Variants in GRM7 observed in about 807,000 individuals in gnomAD.
The protein encoded by GRM7 is metabotropic glutamate receptor 7.
In GRM7, 35 loss-of-function variants were observed where a neutral mutation model predicts 84.5. That is an observed-to-expected ratio of 0.41 (90% CI 0.32 to 0.55). GRM7 has a LOEUF of 0.55. Among genes scored for constraint, GRM7 ranks in the 20% least tolerant of loss-of-function variants. The pLI, the probability that GRM7 is intolerant of heterozygous loss-of-function variation, is 0.19. For synonymous variants in GRM7, 487 were observed against 455.1 expected, an observed-to-expected ratio of 1.07 and a Z score of -0.89; for missense variants, 1,003 against 1,194.6, an observed-to-expected ratio of 0.84 and a Z score of 2.36.
At chr3:7,086,350 C>T (rs1698458548) in intron 1 of GRM7, among the ~76,000 whole-genome samples, 1 of 145,946 alleles carries the variant, frequency 6.9e-6, no homozygotes, top group African/African-American at 2.7e-5. Flanking sequence ...AAAAAAGATC[C>T]TATAGAAATA....
chr3:6,926,995 A>T (rs116452024), intron 1 of GRM7, among the ~76,000 whole-genome samples: 7,665 of 152,302 alleles, frequency 0.05, 265 homozygotes, highest in Non-Finnish European at 0.076. Context: ...AGGTCCATGG[A>T]AGCAGCCCGC....
intron 4 of GRM7, among the ~76,000 whole-genome samples, chr3:7,352,921 A>G (rs1247918273): frequency 2.0e-5 from 3 of 152,116 alleles, no homozygotes; most frequent in Admixed American, 6.6e-5. Context: ...TCACGTTAAC[A>G]GTAGACACCC....
At chr3:7,064,629 C>G (rs1280735435) in intron 1 of GRM7, among the ~76,000 whole-genome samples, 1 of 150,278 alleles carries the variant, frequency 6.7e-6, no homozygotes, top group Non-Finnish European at 1.5e-5. Flanking sequence ...CAAGATTTTG[C>G]AATTGTGAAT....
intron 1 of GRM7, among the ~76,000 whole-genome samples, chr3:7,135,460 G>T (rs778008967): frequency 1.3e-5 from 2 of 152,072 alleles, no homozygotes; most frequent in Non-Finnish European, 2.9e-5. Context: ...TCAAAAATTC[G>T]CCTTTTACAA....
intron 8 of GRM7, among the ~76,000 whole-genome samples, chr3:7,585,433 G>T (rs1323221509): frequency 6.6e-6 from 1 of 151,322 alleles, no homozygotes; most frequent in East Asian, 2.0e-4. Flanking sequence ...AACCATCTTA[G>T]ACCCTTGCTT....
At chr3:7,161,466 T>C (rs1694623275) in intron 2 of GRM7, among the ~76,000 whole-genome samples, 1 of 151,156 alleles carries the variant, frequency 6.6e-6, no homozygotes, top group Non-Finnish European at 1.5e-5. Context: ...CTTACTCTAA[T>C]CTAGTTTCCA....
intron 7 of GRM7, among the ~76,000 whole-genome samples, chr3:7,484,894 A>G (rs974409302): frequency 2.0e-5 from 3 of 152,190 alleles, no homozygotes; most frequent in African/African-American, 7.2e-5. Context: ...TAGGTTACAA[A>G]AAGACTGTGG....
At position 7,236,006 on chromosome 3, in the gene GRM7, G is replaced by A. The variant is rs1697335684; in HGVS notation, c.737-62678G>A. On this transcript the variant is annotated intron_variant, in intron 2 of 9. Coordinates refer to ENST00000357716, the MANE Select transcript of GRM7 (RefSeq NM_000844.4). ...TGGGAGGTCCAGGATCAAGGTCCTTGCAGACACTGCATCTGGTGGGAGTTG... is the reference window on the plus strand; with the variant it reads ...TGGGAGGTCCAGGATCAAGGTCCTTACAGACACTGCATCTGGTGGGAGTTG... Among the ~76,000 whole-genome samples the A allele has an allele frequency of 1.3e-5, 2 of 152,148 alleles. 1 individual carries two copies. Among genetic ancestry groups the A allele is most frequent in the Admixed American group, 1.3e-4 (2 of 15,266 alleles).
chr3:7,100,328 C>T (rs1233608197), intron 1 of GRM7, among the ~76,000 whole-genome samples: 5 of 151,692 alleles, frequency 3.3e-5, no homozygotes, highest in African/African-American at 7.3e-5. Context: ...AGTTTAGGCA[C>T]TTCCTGAAAC....
In GRM7 at chr3:7,270,467, G is replaced by GT. The variant is rs148265515; in HGVS notation, c.737-28209dup. 7.1e-3 allele frequency among the ~76,000 whole-genome samples: 1,072 copies of GT among 151,954 alleles called. 58 individuals are homozygous for GT. In the East Asian group the frequency reaches 0.16, roughly 22 times the overall value. On this transcript the variant is annotated intron_variant, in intron 2 of 9. Coordinates refer to ENST00000357716, the MANE Select transcript of GRM7 (RefSeq NM_000844.4). ...TTAAGCATTCATCTGAAAATGTATA[G>GT]TTTTTTTTAGCCTTTCTCCCTTTTC...
rs114245776 is a variant in GRM7 at position 7,571,825 on chromosome 3, G to A, written c.1516-6597G>A. ...GACTTGGCAATTTATAAAAGAAAGA[G>A]ATTTATTGGACTCACAGTTCCACAT... On this transcript the variant is annotated intron_variant, in intron 7 of 9. Transcript: ENST00000357716. Among the ~76,000 whole-genome samples the A allele has an allele frequency of 8.9e-3, 1,351 of 152,306 alleles. 17 individuals are homozygous for A. Among genetic ancestry groups the A allele is most frequent in the African/African-American group, 0.031 (1,269 of 41,562 alleles).
intron 1 of GRM7, among the ~76,000 whole-genome samples, chr3:6,875,458 T>A (rs1695269027): frequency 6.6e-6 from 1 of 151,948 alleles, no homozygotes; most frequent in South Asian, 2.1e-4. Flanking sequence ...TAAACGAGAG[T>A]TCCCCTGCAC....
chr3:7,227,573 C>T (rs1697023326), intron 2 of GRM7, among the ~76,000 whole-genome samples: 1 of 152,110 alleles, frequency 6.6e-6, no homozygotes, highest in Admixed American at 6.6e-5. Flanking sequence ...AAAAACACTG[C>T]CTACCTCATG....
intron 7 of GRM7, among the ~76,000 whole-genome samples, chr3:7,494,753 T>G (rs751532779): frequency 1.3e-5 from 2 of 152,224 alleles, no homozygotes; most frequent in Non-Finnish European, 2.9e-5. Context: ...ATTTTTATTG[T>G]TATCATTGTA....
intron 1 of GRM7, among the ~76,000 whole-genome samples, chr3:6,871,701 A>T (rs1695126122): frequency 6.6e-6 from 1 of 152,156 alleles, no homozygotes; most frequent in African/African-American, 2.4e-5. Context: ...TTGTCTCAAC[A>T]CATCTATGAT....
At chr3:7,586,869 G>T (rs955984158) in intron 8 of GRM7, among the ~76,000 whole-genome samples, 13 of 152,128 alleles carry the variant, frequency 8.5e-5, no homozygotes, top group Admixed American at 2.0e-4. Flanking sequence ...AAATAATGCT[G>T]ATTAAAAGGC....
intron 4 of GRM7, among the ~76,000 whole-genome samples, chr3:7,315,660 G>A (rs536382728): frequency 3.9e-5 from 6 of 152,232 alleles, no homozygotes; most frequent in African/African-American, 1.4e-4. Context: ...CCCACAATAG[G>A]CACATTGACC....
chr3:7,047,811 T>C (rs1231548047), intron 1 of GRM7, among the ~76,000 whole-genome samples: 4 of 152,062 alleles, frequency 2.6e-5, no homozygotes, highest in Non-Finnish European at 5.9e-5. Context: ...TTGAGTAATC[T>C]TTCAGAGAGT....
intron 8 of GRM7, among the ~76,000 whole-genome samples, chr3:7,616,904 GATTCAATGTA>G (rs1244943526): frequency 1.3e-5 from 2 of 152,090 alleles, no homozygotes; most frequent in African/African-American, 4.8e-5. Context: ...TTAATACGTA[GATTCAATGTA>G]ATTCTGATAA....
Sources: gnomAD v4.1 joint callset for allele counts (sites outside exome capture counted in the v4.1 genomes callset) on GRCh38, gnomAD v4.1.1 for gene constraint, MANE v1.5 for transcripts, NCBI Gene and HGNC (gene_info 2026-07-23, HGNC 2026-07-21) for gene names.